Variants in GRM8 observed in about 807,000 individuals in gnomAD.
GRM8 encodes the protein glutamate metabotropic receptor 8.
GRM8 carries 47 observed loss-of-function variants against 87.2 expected under a neutral mutation model. The ratio of observed to expected loss-of-function variants is 0.54; its 90% CI spans 0.43 to 0.69. The LOEUF is 0.69. GRM8 is among the 30% of genes least tolerant of loss of function. The pLI is 0.00. For synonymous variants in GRM8, 396 were observed against 404.5 expected, an observed-to-expected ratio of 0.98 and a Z score of 0.25; for missense variants, 1,019 against 1,139.2, an observed-to-expected ratio of 0.89 and a Z score of 1.52.
chr7:126,486,177 C>G (rs1043128220), intron 9 of GRM8, among the ~76,000 whole-genome samples: 10 of 152,048 alleles, frequency 6.6e-5, no homozygotes, highest in African/African-American at 2.4e-4. Flanking sequence ...CAGTAACTTT[C>G]TCGTGGTAAG....
chr7:127,003,248 G>A (rs940692242), intron 3 of GRM8, among the ~76,000 whole-genome samples: 17 of 151,780 alleles, frequency 1.1e-4, no homozygotes, highest in African/African-American at 3.6e-4. Flanking sequence ...TGTTTACTTC[G>A]TTAAATGAAT....
intron 8 of GRM8, among the ~76,000 whole-genome samples, chr7:126,589,403 T>G (rs2106312): frequency 0.31 from 46,917 of 151,838 alleles, 8,121 homozygotes; most frequent in East Asian, 0.44. Flanking sequence ...GCAGCCATAA[T>G]CCTACTGGTA....
At chr7:127,035,646 C>T (rs73450210) in intron 3 of GRM8, among the ~76,000 whole-genome samples, 135 of 152,316 alleles carry the variant, frequency 8.9e-4, no homozygotes, top group African/African-American at 3.0e-3. Flanking sequence ...GCATCAGACT[C>T]CACATAGTGT....
intron 9 of GRM8, among the ~76,000 whole-genome samples, chr7:126,481,810 T>C (rs1282691731): frequency 6.6e-6 from 1 of 152,090 alleles, no homozygotes; most frequent in Non-Finnish European, 1.5e-5. Context: ...TATGTTAGTT[T>C]ATTTGTTTTG....
chr7:126,674,883 T>C (rs1315180155), intron 7 of GRM8, among the ~76,000 whole-genome samples: 5 of 152,164 alleles, frequency 3.3e-5, no homozygotes, highest in African/African-American at 9.6e-5. Flanking sequence ...CTAAAGTACA[T>C]AGACATGCCA....
intron 6 of GRM8, among the ~76,000 whole-genome samples, chr7:126,778,527 T>C (rs1819708042): frequency 6.6e-6 from 1 of 152,182 alleles, no homozygotes; most frequent in African/African-American, 2.4e-5. Context: ...CATAGATATA[T>C]CCCTAAGTCC....
chr7:126,635,072 T>C (rs2151185882), intron 7 of GRM8, among the ~76,000 whole-genome samples: 1 of 152,288 alleles, frequency 6.6e-6, no homozygotes, highest in East Asian at 1.9e-4. Context: ...GAGAATTAAA[T>C]GACTAAACAT....
At chr7:126,629,893 C>A (rs1801083788) in intron 7 of GRM8, among the ~76,000 whole-genome samples, 1 of 152,082 alleles carries the variant, frequency 6.6e-6, no homozygotes, top group Admixed American at 6.6e-5. Context: ...CATAGTCTGA[C>A]TTTAGCATAA....
chr7:126,593,233 T>C (rs1448276556), intron 8 of GRM8, among the ~76,000 whole-genome samples: 1 of 152,066 alleles, frequency 6.6e-6, no homozygotes, highest in African/African-American at 2.4e-5. Flanking sequence ...GCAAGTGCCA[T>C]TCTTCACAGA....
chr7:126,565,360 T>C (rs544704879), intron 8 of GRM8, among the ~76,000 whole-genome samples: 1 of 152,224 alleles, frequency 6.6e-6, no homozygotes, highest in African/African-American at 2.4e-5. Context: ...TAGAGTTAAA[T>C]GATACAAAAT....
chr7:126,445,577 A>G, intron 10 of GRM8: 1 of 153,154 alleles, frequency 6.5e-6, no homozygotes, highest in South Asian at 2.0e-4. Context: ...CCAAGAAGGG[A>G]AGTCAAGGGA....
chr7:126,829,976 GA>G, intron 6 of GRM8, among the ~76,000 whole-genome samples: 1 of 152,198 alleles, frequency 6.6e-6, no homozygotes, highest in East Asian at 1.9e-4. Context: ...TAGTTTGGCT[GA>G]ATATGAAATT....
intron 6 of GRM8, among the ~76,000 whole-genome samples, chr7:126,793,329 G>C (rs2151682103): frequency 6.6e-6 from 1 of 152,278 alleles, no homozygotes; most frequent in South Asian, 2.1e-4. Context: ...TGATAGAGTG[G>C]AAAGGGCACT....
chr7:126,811,512 A>G (rs182106160), intron 6 of GRM8, among the ~76,000 whole-genome samples: 1 of 152,024 alleles, frequency 6.6e-6, no homozygotes, highest in East Asian at 1.9e-4. Flanking sequence ...ATGTTGTTCC[A>G]TTTTTTAATG....
intron 9 of GRM8, among the ~76,000 whole-genome samples, chr7:126,514,716 GAATA>G (rs1811926521): frequency 6.6e-6 from 1 of 151,514 alleles, no homozygotes; most frequent in Non-Finnish European, 1.5e-5. Context: ...AGATGAATAA[GAATA>G]TATATTTAGA....
intron 2 of GRM8, among the ~76,000 whole-genome samples, chr7:127,217,156 C>T (rs1796607581): frequency 6.6e-6 from 1 of 152,096 alleles, no homozygotes; most frequent in African/African-American, 2.4e-5. Context: ...TGCAAGCATG[C>T]AAAATAGGAG....
intron 7 of GRM8, among the ~76,000 whole-genome samples, chr7:126,700,936 C>T (rs143017178): frequency 3.9e-5 from 6 of 152,226 alleles, no homozygotes; most frequent in African/African-American, 1.2e-4. Flanking sequence ...TGTTTCTCTA[C>T]TATATTTACC....
At chr7:126,453,903 G>T (rs952432670) in intron 9 of GRM8, among the ~76,000 whole-genome samples, 5 of 151,660 alleles carry the variant, frequency 3.3e-5, no homozygotes, top group Non-Finnish European at 7.4e-5. Context: ...TACTCTCTCA[G>T]TGCTTATTAA....
intron 3 of GRM8, among the ~76,000 whole-genome samples, chr7:127,037,316 C>T (rs1032433211): frequency 6.6e-6 from 1 of 152,134 alleles, no homozygotes; most frequent in African/African-American, 2.4e-5. Context: ...ATACACAAGG[C>T]TTCTGGTATC....
Sources: gnomAD v4.1 joint callset for allele counts (sites outside exome capture counted in the v4.1 genomes callset) on GRCh38, gnomAD v4.1.1 for gene constraint, MANE v1.5 for transcripts, NCBI Gene and HGNC (gene_info 2026-07-23, HGNC 2026-07-21) for gene names.